SEMA6A: variants seen among roughly 807,000 people sequenced by gnomAD.
SEMA6A encodes semaphorin 6A, also known as semaphorin-6A.
SEMA6A carries 25 observed loss-of-function variants against 96.8 expected under a neutral mutation model. The ratio of observed to expected loss-of-function variants is 0.26; its 90% confidence interval spans 0.19 to 0.36. The LOEUF (loss-of-function observed/expected upper bound fraction) is 0.36, where lower values mean the gene tolerates loss of function less well. SEMA6A is among the 10% of genes least tolerant of loss of function. The pLI, the probability that SEMA6A is intolerant of heterozygous loss-of-function variation, is 1.00. For synonymous variants in SEMA6A, 612 were observed against 518.0 expected, an observed-to-expected ratio of 1.18 and a Z score of -2.46; for missense variants, 1,363 against 1,323.1, an observed-to-expected ratio of 1.03 and a Z score of -0.47.
intron 1 of SEMA6A, among the ~76,000 whole-genome samples, chr5:116,509,499 G>T (rs544629173): frequency 6.6e-5 from 10 of 152,248 alleles, no homozygotes; most frequent in Admixed American, 2.6e-4. Context: ...CTCCTCACCT[G>T]TAAAATGAAA....
chr5:116,474,620 G>A lies in SEMA6A; in HGVS notation c.1708+925C>T, dbSNP rs983959425. On this transcript the variant is annotated intron_variant, in intron 16 of 18. Transcript: ENST00000343348. ...ATCTCTAAAAAAGATAAGGTAGAAAGTTGAATGACACTTTAGAGTCTGAAA... is the reference window on the plus strand; with the variant it reads ...ATCTCTAAAAAAGATAAGGTAGAAAATTGAATGACACTTTAGAGTCTGAAA... 9.2e-5 allele frequency among the ~76,000 whole-genome samples: 14 copies of A among 152,292 alleles called. No homozygotes were observed. The East Asian group carries it at 1.5e-3, about 17-fold the overall frequency.
chr5:116,504,487 G>A (rs760295366), intron 2 of SEMA6A, among the ~76,000 whole-genome samples: 6 of 152,244 alleles, frequency 3.9e-5, no homozygotes, highest in South Asian at 2.1e-4. Flanking sequence ...GCAACAGTCC[G>A]GATATATGAA....
intron 1 of SEMA6A, among the ~76,000 whole-genome samples, chr5:116,524,771 TACACACACAC>T (rs905399420): frequency 5.2e-5 from 1 of 19,110 alleles, no homozygotes. Flanking sequence ...TGGGTATGTA[TACACACACAC>T]ACACACAGAC....
chr5:116,472,641 C>T (rs1037734520), intron 17 of SEMA6A: 8 of 444,610 alleles, frequency 1.8e-5, no homozygotes, highest in African/African-American at 1.7e-4. Flanking sequence ...TCACCAAATT[C>T]CCTAAGGTTG....
At chr5:116,482,391 C>T in intron 11 of SEMA6A, 53 bp downstream of exon 11, 1 of 1,572,270 alleles carries the variant, frequency 6.4e-7, no homozygotes, top group Non-Finnish European at 8.7e-7. Context: ...ATCAGAGGTG[C>T]AAGCTTTGCC....
intron 12 of SEMA6A, 63 bp from the exon 13 acceptor site, chr5:116,478,781 C>A: frequency 6.7e-7 from 1 of 1,497,710 alleles, no homozygotes; most frequent in Non-Finnish European, 9.1e-7. Context: ...GTTCCCTGTT[C>A]CACTTCAAAC....
At position 116,446,820 on chromosome 5, in the gene SEMA6A, G is replaced by C. The variant is rs567351474; in HGVS notation, c.2886C>G (p.Ala962=). 9 of 1,613,730 alleles carry C rather than the reference G, an allele frequency of 5.6e-6. No individual in the cohort carries two copies. Among genetic ancestry groups the C allele is most frequent in the Non-Finnish European group, 7.6e-6 (9 of 1,179,820 alleles). Residue 962 remains alanine, a synonymous_variant, in exon 19 of 19, where the codon GCC becomes GCG. Coordinates refer to ENST00000343348, the MANE Select transcript of SEMA6A (RefSeq NM_020796.5). ...CCTGGATGGAGTCCACCCTCTGCGG[G>C]GCGGGCGGCGGGTTGTCTCCCCTGC... is the stretch of plus-strand genomic sequence containing the variant. ...SFGRGDNPPP[A]PQRVDSIQVH... is the part of the protein sequence containing the mutation.
chr5:116,506,711 A>C (rs1357798114), intron 1 of SEMA6A, among the ~76,000 whole-genome samples: 4 of 152,116 alleles, frequency 2.6e-5, no homozygotes, highest in Admixed American at 6.5e-5. Context: ...GTCAGGGAGA[A>C]CTGGCAACTT....
chr5:116,511,257 T>C (rs1220369534), intron 1 of SEMA6A, among the ~76,000 whole-genome samples: 3 of 152,196 alleles, frequency 2.0e-5, no homozygotes, highest in Non-Finnish European at 2.9e-5. Context: ...ATGTAAATCA[T>C]TGTTTCACTG....
At chr5:116,539,590 C>CGTGCGTGT (rs1554092075) in intron 1 of SEMA6A, among the ~76,000 whole-genome samples, 1 of 144,852 alleles carries the variant, frequency 6.9e-6, no homozygotes, top group Non-Finnish European at 1.5e-5. Context: ...TAATTCTGTG[C>CGTGCGTGT]GTGTGTGTGT....
intron 1 of SEMA6A, among the ~76,000 whole-genome samples, chr5:116,561,997 A>G: frequency 6.6e-6 from 1 of 152,032 alleles, no homozygotes; most frequent in East Asian, 1.9e-4. Context: ...AAGATGTGTT[A>G]CCTTTTCTCT....
At chr5:116,499,650 G>A (rs910890950) in intron 3 of SEMA6A, among the ~76,000 whole-genome samples, 4 of 152,326 alleles carry the variant, frequency 2.6e-5, no homozygotes, top group Admixed American at 1.3e-4. Flanking sequence ...AAGTGGCTGC[G>A]TATGGTGTGA....
At chr5:116,472,234 G>C (rs944254115) in intron 17 of SEMA6A, 1 of 152,178 alleles carries the variant, frequency 6.6e-6, no homozygotes. Context: ...TATGGGCTTA[G>C]TAGCTTTGTT....
intron 18 of SEMA6A, among the ~76,000 whole-genome samples, chr5:116,454,210 A>G (rs1195673455): frequency 6.6e-6 from 1 of 152,164 alleles, no homozygotes; most frequent in Admixed American, 6.5e-5. Context: ...AAAAAGGAGG[A>G]TGGACATTTC....
chr5:116,557,353 A>T (rs1214610687), intron 1 of SEMA6A, among the ~76,000 whole-genome samples: 1 of 152,244 alleles, frequency 6.6e-6, no homozygotes, highest in African/African-American at 2.4e-5. Context: ...CTGGGATTAC[A>T]GGCATGAGAC....
At position 116,443,837 on chromosome 5, in the gene SEMA6A, T is replaced by TG. The variant is rs1754034611; in HGVS notation, c.*2775dup. On this transcript the variant is annotated 3_prime_UTR_variant, in exon 19 of 19. Coordinates refer to ENST00000343348, the MANE Select transcript of SEMA6A (RefSeq NM_020796.5). The stretch of plus-strand genomic sequence containing the variant: ...TTATGGACCCTCCCCCCACACACAG[T>TG]GGGGAAAAAAACTGGGGAGAAATAC... 6.6e-6 allele frequency: 1 copy of TG among 152,204 alleles called. No homozygotes were observed. The highest frequency in any genetic ancestry group is 1.5e-5 in the Non-Finnish European group (1 of 67,924). 9.4% of individuals were successfully genotyped at this position (152,204 alleles called of 1,614,324 possible).
At chr5:116,509,444 T>C (rs1758303435) in intron 1 of SEMA6A, among the ~76,000 whole-genome samples, 1 of 152,220 alleles carries the variant, frequency 6.6e-6, no homozygotes, top group African/African-American at 2.4e-5. Flanking sequence ...AGCACATTAA[T>C]GGCGTTGACC....
intron 1 of SEMA6A, among the ~76,000 whole-genome samples, chr5:116,534,314 C>A (rs1014218394): frequency 6.6e-6 from 1 of 152,234 alleles, no homozygotes; most frequent in East Asian, 1.9e-4. Flanking sequence ...ATAAATCAGA[C>A]CATGTCACTC....
chr5:116,545,778 A>G (rs1032433637), intron 1 of SEMA6A, among the ~76,000 whole-genome samples: 6 of 152,196 alleles, frequency 3.9e-5, no homozygotes, highest in African/African-American at 1.4e-4. Flanking sequence ...GCAGCTCCAA[A>G]TGGGAAAATG....
Sources: gnomAD v4.1 joint callset for allele counts (sites outside exome capture counted in the v4.1 genomes callset) on GRCh38, gnomAD v4.1.1 for gene constraint, MANE v1.5 for transcripts, NCBI Gene and HGNC (gene_info 2026-07-23, HGNC 2026-07-21) for gene names.